Variants in CDIN1 observed in about 807,000 individuals in gnomAD.
CDIN1 encodes the protein CDAN1-interacting nuclease 1.
In CDIN1, 33 loss-of-function variants were observed where a neutral mutation model predicts 45.3. The ratio of observed to expected loss-of-function variants is 0.73; its 90% CI spans 0.55 to 0.97. The LOEUF (loss-of-function observed/expected upper bound fraction) is 0.97, where lower values mean the gene tolerates loss of function less well. CDIN1 is among the 50% of genes least tolerant of loss of function. CDIN1 has a pLI of 0.00. For missense variants in CDIN1, 303 were observed against 339.4 expected, an observed-to-expected ratio of 0.89 and a Z score of 0.84; for synonymous variants, 118 against 124.4, an observed-to-expected ratio of 0.95 and a Z score of 0.34.
chr15:36,622,121 T>G (rs1226045149), intron 1 of CDIN1, among the ~76,000 whole-genome samples: 4 of 152,260 alleles, frequency 2.6e-5, no homozygotes, highest in Non-Finnish European at 5.9e-5. Context: ...TGTTTGTTTC[T>G]TTCATCATGG....
At chr15:36,666,311 G>A (rs1772711974) in intron 5 of CDIN1, among the ~76,000 whole-genome samples, 1 of 152,048 alleles carries the variant, frequency 6.6e-6, no homozygotes, top group Non-Finnish European at 1.5e-5. Flanking sequence ...AAATGTAGTA[G>A]ACTGAGAATT....
At chr15:36,757,898 A>G (rs141894194) in intron 10 of CDIN1, among the ~76,000 whole-genome samples, 1,715 of 152,304 alleles carry the variant, frequency 0.011, 33 homozygotes, top group African/African-American at 0.039. Flanking sequence ...ACAATAAGAT[A>G]GTTTTGAGAA....
intron 5 of CDIN1, among the ~76,000 whole-genome samples, chr15:36,673,083 A>G (rs1203671095): frequency 6.6e-6 from 1 of 152,110 alleles, no homozygotes; most frequent in African/African-American, 2.4e-5. Flanking sequence ...CTTTGGAGTC[A>G]TCTTCTCTGG....
intron 6 of CDIN1, 112 bp downstream of exon 6, chr15:36,691,876 G>C (rs1429706387): frequency 1.1e-6 from 1 of 902,560 alleles, no homozygotes; most frequent in East Asian, 2.6e-5. Context: ...CTGAGGTCAG[G>C]GTGCACCATA....
intron 10 of CDIN1, among the ~76,000 whole-genome samples, chr15:36,776,312 T>C (rs1314483872): frequency 6.6e-6 from 1 of 152,184 alleles, no homozygotes; most frequent in Non-Finnish European, 1.5e-5. Context: ...ATGGTGGTGA[T>C]AGAATCATGG....
At chr15:36,669,371 C>T (rs187319149) in intron 5 of CDIN1, among the ~76,000 whole-genome samples, 1 of 152,058 alleles carries the variant, frequency 6.6e-6, no homozygotes, top group Admixed American at 6.6e-5. Context: ...TTAAGTTTGT[C>T]ATAAGGTCAT....
At chr15:36,685,385 C>T (rs978092372) in intron 5 of CDIN1, among the ~76,000 whole-genome samples, 6 of 151,568 alleles carry the variant, frequency 4.0e-5, no homozygotes, top group Admixed American at 2.0e-4. Context: ...TGTAGTTGAG[C>T]GGTTTTGAGT....
At chr15:36,651,408 A>T (rs1004002272) in intron 3 of CDIN1, among the ~76,000 whole-genome samples, 2 of 152,206 alleles carry the variant, frequency 1.3e-5, no homozygotes, top group African/African-American at 4.8e-5. Flanking sequence ...TTTTCTAATT[A>T]TGTCTTTATG....
intron 5 of CDIN1, among the ~76,000 whole-genome samples, chr15:36,673,805 T>C (rs533845592): frequency 6.6e-6 from 1 of 152,260 alleles, no homozygotes; most frequent in East Asian, 1.9e-4. Flanking sequence ...AACAAAATTC[T>C]AGTGTGCATT....
chr15:36,667,425 G>A (rs978037077), intron 5 of CDIN1, among the ~76,000 whole-genome samples: 19 of 152,146 alleles, frequency 1.2e-4, no homozygotes, highest in Admixed American at 9.8e-4. Context: ...CACCTAAAAC[G>A]CTTTGTGTGT....
intron 1 of CDIN1, chr15:36,618,482 C>A: frequency 1.7e-6 from 2 of 1,206,218 alleles, no homozygotes; most frequent in Non-Finnish European, 2.5e-6. Flanking sequence ...CATCCTTCAA[C>A]AGCTGAATCA....
rs78370368 is a variant in CDIN1, at chr15:36,724,503, G to A, written c.716+14542G>A. Among the ~76,000 whole-genome samples the A allele has an allele frequency of 5.2e-3, 786 of 152,260 alleles. 35 individuals are homozygous for A. In the East Asian group the frequency reaches 0.099, roughly 19 times the overall value. ...GAATTGGGAATAGAAAGTAATGTAG[G>A]TTAGCAATAGCTTCAGTTGGGATGT... is the stretch of plus-strand genomic sequence containing the variant. On this transcript the variant is annotated intron_variant, in intron 10 of 10. Coordinates refer to ENST00000566621, the MANE Select transcript of CDIN1 (RefSeq NM_001321759.2).
intron 10 of CDIN1, among the ~76,000 whole-genome samples, chr15:36,806,313 C>T (rs2055223980): frequency 6.6e-6 from 1 of 152,152 alleles, no homozygotes; most frequent in South Asian, 2.1e-4. Flanking sequence ...GCTTCGTGTC[C>T]TTTGGCTTAT....
chr15:36,733,348 T>G (rs1375004960), intron 10 of CDIN1, among the ~76,000 whole-genome samples: 1 of 152,094 alleles, frequency 6.6e-6, no homozygotes, highest in Non-Finnish European at 1.5e-5. Context: ...ACTTGGCACT[T>G]TAAGCACATA....
At chr15:36,729,374 C>T (rs1341152743) in intron 10 of CDIN1, among the ~76,000 whole-genome samples, 1 of 152,002 alleles carries the variant, frequency 6.6e-6, no homozygotes, top group Non-Finnish European at 1.5e-5. Context: ...CATTTAAAAC[C>T]ATTTGAAATG....
At chr15:36,618,123 G>A (rs911461147) in intron 1 of CDIN1, 3 of 726,972 alleles carry the variant, frequency 4.1e-6, no homozygotes, top group Non-Finnish European at 7.6e-6. Context: ...CCCAATGGTA[G>A]TTTTGTGAAT....
At chr15:36,782,606 A>G (rs1020889121) in intron 10 of CDIN1, among the ~76,000 whole-genome samples, 10 of 151,910 alleles carry the variant, frequency 6.6e-5, no homozygotes, top group African/African-American at 2.2e-4. Flanking sequence ...GTGTGTAGAT[A>G]TGAACTAATG....
At chr15:36,698,568 A>G (rs1321361013) in intron 8 of CDIN1, among the ~76,000 whole-genome samples, 1 of 152,212 alleles carries the variant, frequency 6.6e-6, no homozygotes, top group Non-Finnish European at 1.5e-5. Flanking sequence ...ACCAGTTGGA[A>G]TGAGTGACCT....
intron 1 of CDIN1, among the ~76,000 whole-genome samples, chr15:36,631,957 A>C (rs1246053719): frequency 6.6e-6 from 1 of 151,960 alleles, no homozygotes; most frequent in South Asian, 2.1e-4. Context: ...CAGCCTCCCA[A>C]TTAGCTGGGA....
Sources: gnomAD v4.1 joint callset for allele counts (sites outside exome capture counted in the v4.1 genomes callset) on GRCh38, gnomAD v4.1.1 for gene constraint, MANE v1.5 for transcripts, NCBI Gene and HGNC (gene_info 2026-07-23, HGNC 2026-07-21) for gene names.